The following CCDC77 variants were observed in gnomAD, a reference collection of about 807,000 sequenced individuals.
CCDC77 encodes coiled-coil domain-containing protein 77.
In CCDC77, 56 loss-of-function variants were observed where a neutral mutation model predicts 66.8. The ratio of observed to expected loss-of-function variants is 0.84; its 90% CI spans 0.68 to 1.05. The LOEUF is 1.05. CCDC77 is among the 50% of genes least tolerant of loss of function. The pLI is 0.00. For missense variants in CCDC77, 570 were observed against 576.8 expected, an observed-to-expected ratio of 0.99 and a Z score of 0.12; for synonymous variants, 196 against 195.2, an observed-to-expected ratio of 1.00 and a Z score of -0.03.
At chr12:429,088 G>A (rs1945595887) in intron 6 of CCDC77, among the ~76,000 whole-genome samples, 1 of 152,206 alleles carries the variant, frequency 6.6e-6, no homozygotes, top group African/African-American at 2.4e-5. Flanking sequence ...CAGAGGGGTG[G>A]CTGTTTTAGC....
Position 409,363 on chromosome 12 carries a change from G to A in CCDC77, c.-16-5G>A. Reference sequence around the variant, plus strand: ...CGTAATTATGAATTTTTGTGTATTTGATAGGTGTGAAAAAGACAGCATGAA... The same window carrying A: ...CGTAATTATGAATTTTTGTGTATTTAATAGGTGTGAAAAAGACAGCATGAA... On this transcript the variant is annotated splice_region_variant and splice_polypyrimidine_tract_variant and intron_variant, in intron 2 of 12. Coordinates refer to ENST00000239830, the MANE Select transcript of CCDC77 (RefSeq NM_032358.4). 6.2e-7 allele frequency: 1 copy of A among 1,608,678 alleles called. No homozygotes were observed. Among genetic ancestry groups the A allele is most frequent in the Non-Finnish European group, 8.5e-7 (1 of 1,176,030 alleles).
Position 438,516 on chromosome 12 carries a change from A to G in CCDC77, c.1003A>G (p.Met335Val). Residue 335 changes from methionine (M) to valine (V), a missense_variant, in exon 10 of 13, where the codon ATG becomes GTG. Met to Val is a conservative substitution (Grantham distance 21, BLOSUM62 1). Transcript: ENST00000239830. ...TAAAATTGGAAAAGTGTTGCCCGTT[A>G]TGCATGAGAGTCACCATGCTCAAAG... ...EDKIGKVLPV[M>V]HESHHAQSEY... 1 of 1,613,892 alleles carries G rather than the reference A, an allele frequency of 6.2e-7. No individual in the cohort carries two copies. Among genetic ancestry groups the G allele is most frequent in the Non-Finnish European group, 8.5e-7 (1 of 1,179,800 alleles).
In CCDC77 at chr12:418,551, G is replaced by A. The variant is rs2137572310; in HGVS notation, c.328G>A (p.Ala110Thr). The A allele has an allele frequency of 6.2e-7, 1 of 1,613,766 alleles. No homozygotes were observed. The highest frequency in any genetic ancestry group is 8.5e-7 in the Non-Finnish European group (1 of 1,179,648). The change falls in exon 5 of 13, where the codon GCT becomes ACT. Residue 110 changes from alanine (A) to threonine (T), a missense_variant. Transcript: ENST00000239830. Reference protein sequence around the residue: ...REEEIAELQKALSDMQVCLFQ... With the variant: ...REEEIAELQKTLSDMQVCLFQ... Reference sequence around the variant, plus strand: ...GGAAGAGATTGCTGAATTGCAGAAAGCTCTAAGTGATATGCAGGTCTGCCT... The same window carrying A: ...GGAAGAGATTGCTGAATTGCAGAAAACTCTAAGTGATATGCAGGTCTGCCT...
intron 1 of CCDC77, among the ~76,000 whole-genome samples, chr12:394,323 A>G (rs1475951901): frequency 6.6e-6 from 1 of 152,344 alleles, no homozygotes; most frequent in East Asian, 1.9e-4. Context: ...GACATATTTA[A>G]AGGTCCAGAT....
rs149182859 is a variant in CCDC77 at position 442,340 on chromosome 12, C to T, written c.*420C>T. 494 of 157,484 alleles carry T rather than the reference C, an allele frequency of 3.1e-3. 3 individuals carry two copies. Among genetic ancestry groups the T allele is most frequent in the African/African-American group, 0.011 (468 of 41,604 alleles). The allele number at this position is 157,484 out of a possible 1,614,324, so 9.8% of individuals were successfully genotyped here. A position where few individuals can be genotyped will look rare whatever the true frequency, so the allele number is the denominator to read the frequency against. On this transcript the variant is annotated 3_prime_UTR_variant, in exon 13 of 13. Transcript: ENST00000239830. Reference sequence around the variant, plus strand: ...ACAGAGGCTGCCTTTCTCCTGAGCTCGGGGAGAAGGCAGCACATCACAACC... The same window carrying T: ...ACAGAGGCTGCCTTTCTCCTGAGCTTGGGGAGAAGGCAGCACATCACAACC...
chr12:391,445 G>A (rs1043872390), intron 1 of CCDC77, among the ~76,000 whole-genome samples: 1 of 151,212 alleles, frequency 6.6e-6, no homozygotes, highest in Non-Finnish European at 1.5e-5. Context: ...AGAAGAGTGA[G>A]ACTCTGTCTC....
chr12:425,700 T>C (rs1389308155), intron 5 of CCDC77, among the ~76,000 whole-genome samples: 1 of 151,712 alleles, frequency 6.6e-6, no homozygotes, highest in African/African-American at 2.4e-5. Context: ...ACTTCACTCA[T>C]GTGCTTCGTA....
At chr12:413,531 G>A (rs1273800215) in intron 4 of CCDC77, among the ~76,000 whole-genome samples, 4 of 149,342 alleles carry the variant, frequency 2.7e-5, no homozygotes, top group African/African-American at 5.1e-5. Context: ...GAGCCACTGC[G>A]CCCGGCCTCT....
rs202183418 is a variant in CCDC77 at position 440,674 on chromosome 12, T to C, written c.1099T>C (p.Cys367Arg). The C allele has an allele frequency of 2.1e-5, 34 of 1,614,194 alleles. No individual in the cohort carries two copies. The East Asian group carries it at 4.9e-4, about 23-fold the overall frequency. The change falls in exon 11 of 13, where the codon TGC (cysteine) becomes CGC (arginine). Residue 367 changes from cysteine (C) to arginine (R), a missense_variant. Transcript: ENST00000239830. Reference protein sequence around the residue: ...KKLSNMYQEQCISLEEELARI... With the variant: ...KKLSNMYQEQRISLEEELARI... ...GCTGTCCAATATGTACCAAGAGCAGTGCATTTCCTTAGAAGAAGAACTTGC... is the reference window on the plus strand; with the variant it reads ...GCTGTCCAATATGTACCAAGAGCAGCGCATTTCCTTAGAAGAAGAACTTGC...
chr12:430,703 T>C lies in CCDC77; in HGVS notation c.550T>C (p.Cys184Arg), dbSNP rs757083735. 1 of 1,613,984 alleles carries C rather than the reference T, an allele frequency of 6.2e-7. No homozygotes were observed. Among genetic ancestry groups the C allele is most frequent in the Non-Finnish European group, 8.5e-7 (1 of 1,179,830 alleles). ...AAAGACTATCCAGGCTGTAGGTGAA[T>C]GTGAGCAGAGTGAATCTTCAGCTTT... is the stretch of plus-strand genomic sequence containing the variant. ...LQKTIQAVGE[C>R]EQSESSAFKA... The change falls in exon 7 of 13, where the codon TGT (cysteine) becomes CGT (arginine). Residue 184 changes from cysteine to arginine, a missense_variant. Coordinates refer to ENST00000239830, the MANE Select transcript of CCDC77 (RefSeq NM_032358.4).
rs1031405271 is a variant in CCDC77, at chr12:428,679, A to AT, written c.414-90_414-89insT. 8.7e-5 allele frequency: 74 copies of AT among 853,118 alleles called. No homozygotes were observed. In the Admixed American group the frequency reaches 1.3e-3, roughly 15 times the overall value. The allele number at this position is 853,118 out of a possible 1,614,324, so 52.8% of individuals were successfully genotyped here. Reference sequence around the variant, plus strand: ...AATTTGGGGTTACAATTGTTTTAAAAAAAAAATAGAAGGGAGATCCTTTAA... The same window carrying AT: ...AATTTGGGGTTACAATTGTTTTAAAATAAAAAATAGAAGGGAGATCCTTTAA... On this transcript the variant is annotated intron_variant, in intron 5 of 12. Transcript: ENST00000239830.
intron 5 of CCDC77, 74 bp downstream of exon 5, chr12:418,710 C>CATTG: frequency 1.3e-6 from 2 of 1,488,522 alleles, no homozygotes; most frequent in South Asian, 2.4e-5. Context: ...TTCATTCATT[C>CATTG]ATTGATTTAG....
chr12:436,487 G>A (rs1945761089), intron 9 of CCDC77, among the ~76,000 whole-genome samples: 1 of 152,024 alleles, frequency 6.6e-6, no homozygotes, highest in South Asian at 2.1e-4. Flanking sequence ...GCCTCCCAAA[G>A]TGTTGGGATT....
intron 9 of CCDC77, among the ~76,000 whole-genome samples, chr12:434,886 A>G (rs1283445444): frequency 6.6e-6 from 1 of 152,232 alleles, no homozygotes; most frequent in African/African-American, 2.4e-5. Context: ...GTGTTTGAGC[A>G]TGTCAGATTT....
At chr12:434,114 T>C (rs142043286) in intron 9 of CCDC77, among the ~76,000 whole-genome samples, 1 of 152,244 alleles carries the variant, frequency 6.6e-6, no homozygotes, top group African/African-American at 2.4e-5. Flanking sequence ...GTGGATGACT[T>C]TGTTCTTTGC....
At chr12:410,671 G>A (rs1945089879) in intron 3 of CCDC77, among the ~76,000 whole-genome samples, 1 of 150,064 alleles carries the variant, frequency 6.7e-6, no homozygotes, top group Non-Finnish European at 1.5e-5. Context: ...TCAGCCTCCA[G>A]AGTAGCTGGG....
At chr12:395,864 A>G (rs1367600978) in intron 1 of CCDC77, among the ~76,000 whole-genome samples, 1 of 152,178 alleles carries the variant, frequency 6.6e-6, no homozygotes, top group Non-Finnish European at 1.5e-5. Flanking sequence ...ACTGCACTCC[A>G]GCCTGGGCGA....
intron 9 of CCDC77, chr12:436,823 C>T (rs1945768228): frequency 2.3e-6 from 2 of 878,184 alleles, no homozygotes; most frequent in Non-Finnish European, 2.7e-6. Flanking sequence ...TTAATGACTG[C>T]CCTTTGGGTA....
chr12:418,590 G>C lies in CCDC77; in HGVS notation c.367G>C (p.Glu123Gln). ...GCAGGTCTGCCTCTTCCAGGAACGGGAACATGTTTTACGCCTCTACTCAGA... is the reference window on the plus strand; with the variant it reads ...GCAGGTCTGCCTCTTCCAGGAACGGCAACATGTTTTACGCCTCTACTCAGA... Reference protein sequence around the residue: ...DMQVCLFQEREHVLRLYSEND... With the variant: ...DMQVCLFQERQHVLRLYSEND... The change falls in exon 5 of 13, where the codon GAA becomes CAA. Residue 123 changes from glutamate to glutamine, a missense_variant. By Grantham distance (29) the Glu-to-Gln change is conservative. Transcript: ENST00000239830. 6.2e-7 allele frequency: 1 copy of C among 1,614,164 alleles called. No individual in the cohort carries two copies.
Sources: gnomAD v4.1 joint callset for allele counts (sites outside exome capture counted in the v4.1 genomes callset) on GRCh38, gnomAD v4.1.1 for gene constraint, MANE v1.5 for transcripts, NCBI Gene and HGNC (gene_info 2026-07-23, HGNC 2026-07-21) for gene names.